The following ARID1B variants were observed in gnomAD, a reference collection of about 807,000 sequenced individuals.
The protein encoded by ARID1B is AT-rich interaction domain 1B.
A neutral mutation model predicts 212.3 loss-of-function variants in ARID1B; 30 were observed. The ratio of observed to expected loss-of-function variants is 0.14; its 90% CI spans 0.11 to 0.19. The LOEUF is 0.19. ARID1B is among the 10% of genes least tolerant of loss of function. ARID1B has a pLI of 1.00. For missense variants in ARID1B, 2,891 were observed against 3,204.0 expected (o/e 0.90, Z 2.36); for synonymous variants, 1,402 against 1,301.7 (o/e 1.08, Z -1.66).
chr6:157,076,311 G>GTTTT (rs200812500), intron 4 of ARID1B, among the ~76,000 whole-genome samples: 3 of 138,036 alleles, frequency 2.2e-5, no homozygotes, highest in African/African-American at 7.9e-5. Context: ...TTGTTTGTTT[G>GTTTT]TTTTGTTTTT....
At chr6:157,128,953 A>C (rs1279079105) in intron 6 of ARID1B, among the ~76,000 whole-genome samples, 3 of 152,240 alleles carry the variant, frequency 2.0e-5, no homozygotes, top group Non-Finnish European at 4.4e-5. Flanking sequence ...TTAACCCTTT[A>C]TAATCTGTAC....
At chr6:157,025,600 G>A (rs1780608252) in intron 4 of ARID1B, among the ~76,000 whole-genome samples, 1 of 146,704 alleles carries the variant, frequency 6.8e-6, no homozygotes, top group Non-Finnish European at 1.5e-5. Context: ...TTAGCACAGT[G>A]CATTTGAGAG....
At chr6:156,967,262 CACACAT>C (rs1411026946) in intron 4 of ARID1B, among the ~76,000 whole-genome samples, 1 of 151,874 alleles carries the variant, frequency 6.6e-6, no homozygotes, top group Non-Finnish European at 1.5e-5. Flanking sequence ...GTTTCATACA[CACACAT>C]ACACATGGCC....
chr6:156,824,540 G>GA (rs1203059442), intron 1 of ARID1B, among the ~76,000 whole-genome samples: 2 of 152,146 alleles, frequency 1.3e-5, no homozygotes, highest in Admixed American at 1.3e-4. Flanking sequence ...CGAGGCAGGC[G>GA]AATCACTTGA....
intron 2 of ARID1B, among the ~76,000 whole-genome samples, chr6:156,884,344 A>G (rs1465169020): frequency 6.7e-6 from 1 of 149,428 alleles, no homozygotes; most frequent in Admixed American, 6.7e-5. Context: ...TTTGTAGTTC[A>G]GATAAAGTAG....
At chr6:157,179,211 C>T (rs919181869) in intron 11 of ARID1B, among the ~76,000 whole-genome samples, 1 of 151,956 alleles carries the variant, frequency 6.6e-6, no homozygotes, top group African/African-American at 2.4e-5. Flanking sequence ...AATTTAGAAA[C>T]CTCCTAATAA....
chr6:157,172,011 A>G (rs1298804629), intron 9 of ARID1B, among the ~76,000 whole-genome samples: 4 of 152,230 alleles, frequency 2.6e-5, no homozygotes, highest in East Asian at 1.9e-4. Context: ...CACAGAAGCC[A>G]TGTGCCCATG....
intron 4 of ARID1B, among the ~76,000 whole-genome samples, chr6:157,076,053 T>G (rs776331392): frequency 1.3e-5 from 2 of 152,196 alleles, no homozygotes; most frequent in Admixed American, 6.5e-5. Context: ...CCATGTTATG[T>G]GAAATGTTGC....
chr6:157,173,058 T>A (rs1328058500), intron 9 of ARID1B: 1 of 152,236 alleles, frequency 6.6e-6, no homozygotes, highest in Non-Finnish European at 1.5e-5. Flanking sequence ...TGCAGCCCAG[T>A]GTTGCGCAGA....
intron 4 of ARID1B, among the ~76,000 whole-genome samples, chr6:156,950,612 G>A (rs1025220619): frequency 1.3e-5 from 2 of 150,282 alleles, no homozygotes; most frequent in African/African-American, 4.9e-5. Flanking sequence ...TTGCGGGGGG[G>A]TAACAACCTG....
At chr6:157,008,787 G>A (rs1779393004) in intron 4 of ARID1B, among the ~76,000 whole-genome samples, 1 of 152,044 alleles carries the variant, frequency 6.6e-6, no homozygotes, top group African/African-American at 2.4e-5. Flanking sequence ...GACAGCATGG[G>A]TCCTTCACTG....
At chr6:156,866,381 A>G (rs762824155) in intron 2 of ARID1B, among the ~76,000 whole-genome samples, 51 of 152,184 alleles carry the variant, frequency 3.4e-4, no homozygotes, top group Admixed American at 7.8e-4. Context: ...GCTGCCACCA[A>G]TCGCCGAGCC....
chr6:156,985,438 A>G (rs1777863685), intron 4 of ARID1B: 1 of 152,248 alleles, frequency 6.6e-6, no homozygotes, highest in Admixed American at 6.5e-5. Context: ...GTAAAAGTAA[A>G]TCTTTAAACT....
At chr6:156,971,745 C>T (rs994592772) in intron 4 of ARID1B, among the ~76,000 whole-genome samples, 5 of 152,164 alleles carry the variant, frequency 3.3e-5, no homozygotes, top group African/African-American at 1.2e-4. Context: ...GAGCTCATGG[C>T]ACCTTGCTTC....
chr6:156,787,618 A>G (rs1301098073), intron 1 of ARID1B, among the ~76,000 whole-genome samples: 3 of 148,200 alleles, frequency 2.0e-5, no homozygotes, highest in Non-Finnish European at 4.5e-5. Flanking sequence ...GGTATATTTT[A>G]TAATAAATTC....
chr6:156,884,973 T>TA (rs1232437254), intron 2 of ARID1B, among the ~76,000 whole-genome samples: 1 of 152,228 alleles, frequency 6.6e-6, no homozygotes, highest in Non-Finnish European at 1.5e-5. Flanking sequence ...GGAAACTAAA[T>TA]ATGTCAAATG....
At chr6:157,095,037 G>A (rs756081734) in intron 5 of ARID1B, among the ~76,000 whole-genome samples, 7 of 152,300 alleles carry the variant, frequency 4.6e-5, no homozygotes, top group Non-Finnish European at 8.8e-5. Context: ...CTGGACTCAG[G>A]CAGTATTTTG....
chr6:156,875,655 G>A (rs1361633341), intron 2 of ARID1B, among the ~76,000 whole-genome samples: 1 of 152,200 alleles, frequency 6.6e-6, no homozygotes, highest in Admixed American at 6.5e-5. Flanking sequence ...AACAGTTCAT[G>A]CCTTTTCAGT....
intron 2 of ARID1B, among the ~76,000 whole-genome samples, chr6:156,840,123 T>G (rs1025168610): frequency 6.6e-6 from 1 of 152,208 alleles, no homozygotes; most frequent in African/African-American, 2.4e-5. Flanking sequence ...ACCTGGTAGC[T>G]TCTTCCTTCC....
Sources: gnomAD v4.1 joint callset for allele counts (sites outside exome capture counted in the v4.1 genomes callset) on GRCh38, gnomAD v4.1.1 for gene constraint, MANE v1.5 for transcripts, NCBI Gene and HGNC (gene_info 2026-07-23, HGNC 2026-07-21) for gene names.